The following NLGN3 variants were observed in gnomAD, a reference collection of about 807,000 sequenced individuals.
NLGN3 encodes neuroligin-3.
NLGN3 carries 11 observed loss-of-function variants against 42.9 expected under a neutral mutation model. The observed-to-expected ratio is 0.26, with a 90% confidence interval of 0.16 to 0.42. The LOEUF is 0.42. Ranked by LOEUF, NLGN3 falls within the 10% of genes least tolerant of loss-of-function variation. NLGN3 has a pLI of 1.00. For synonymous variants in NLGN3, 279 were observed against 312.7 expected (o/e 0.89, Z 1.14); for missense variants, 374 against 733.8 (o/e 0.51, Z 5.67).
chrX:71,162,672 A>C (rs1439356203), intron 5 of NLGN3, among the ~76,000 whole-genome samples: 1 of 112,155 alleles, frequency 8.9e-6, no homozygotes, highest in African/African-American at 3.2e-5. Context: ...ACACACTTGA[A>C]GAGGATGAGA....
chrX:71,169,405 A>G lies in NLGN3; in HGVS notation c.1855A>G (p.Thr619Ala), dbSNP rs1182038418. The stretch of plus-strand genomic sequence containing the variant: ...AAGGGTCCGAGATCATTACCGGGCC[A>G]CTAAGGTGGCCTTTTGGAAACATCT... ...KPRVRDHYRA[T>A]KVAFWKHLVP... Residue 619 changes from threonine (T) to alanine (A), a missense_variant, in exon 8 of 8, where the codon ACT becomes GCT. Around this residue, in one of 6 missense-constraint regions of NLGN3, gnomAD observed 142 missense variants for 359.1 expected, o/e 0.40. Coordinates refer to ENST00000358741, the MANE Select transcript of NLGN3 (RefSeq NM_181303.2). 1 of 1,205,569 alleles carries G rather than the reference A, an allele frequency of 8.3e-7. No homozygotes were observed. The highest frequency in any genetic ancestry group is 1.1e-6 in the Non-Finnish European group (1 of 893,005).
rs151276700 is a variant in NLGN3, at chrX:71,164,222, C to T, written c.807C>T (p.Ser269=). The change falls in exon 6 of 8, where the codon AGC becomes AGT. Residue 269 remains serine (S), a synonymous_variant. Transcript: ENST00000358741. Reference sequence around the variant, plus strand: ...AGATCCAGGCCCTCCGCTGGGTGAGCGAGAATATTGCCTTCTTCGGGGGAG... The same window carrying T: ...AGATCCAGGCCCTCCGCTGGGTGAGTGAGAATATTGCCTTCTTCGGGGGAG... ...LDQIQALRWV[S]ENIAFFGGDP... is the part of the protein sequence containing the mutation. 7.8e-4 allele frequency: 948 copies of T among 1,211,598 alleles called. 1 individual carries two copies. Among genetic ancestry groups the T allele is most frequent in the Non-Finnish European group, 1.0e-3 (911 of 895,386 alleles).
chrX:71,164,267 C>T lies in NLGN3; in HGVS notation c.852C>T (p.Val284=). Residue 284 remains valine (V), a synonymous_variant, in exon 6 of 8, where the codon GTC becomes GTT. Coordinates refer to ENST00000358741, the MANE Select transcript of NLGN3 (RefSeq NM_181303.2). The part of the protein sequence containing the change: ...FFGGDPRRIT[V]FGSGIGASCV... ...GGGGAGACCCCCGCCGGATCACTGTCTTTGGCTCGGGCATTGGTGCATCCT... is the reference window on the plus strand; with the variant it reads ...GGGGAGACCCCCGCCGGATCACTGTTTTTGGCTCGGGCATTGGTGCATCCT... The T allele has an allele frequency of 4.1e-6, 5 of 1,212,385 alleles. No individual in the cohort carries two copies. The highest frequency in any genetic ancestry group is 5.6e-6 in the Non-Finnish European group (5 of 895,514).
downstream of NLGN3, chrX:71,171,719 A>C: frequency 1.4e-6 from 1 of 721,507 alleles, no homozygotes; most frequent in Non-Finnish European, 1.6e-6. Context: ...CTCCTTCCCC[A>C]GGGATACTTG....
Position 71,170,213 on chromosome X carries a change from G to T in NLGN3, c.*116G>T. 1 of 1,162,394 alleles carries T rather than the reference G, an allele frequency of 8.6e-7. No individual in the cohort carries two copies. The highest frequency in any genetic ancestry group is 1.1e-6 in the Non-Finnish European group (1 of 877,087). On this transcript the variant is annotated 3_prime_UTR_variant, in exon 8 of 8. Transcript: ENST00000358741. ...CACACACACACACATATATGTATAC[G>T]CACGCACCCACACCCTACAGCAGAT...
At position 71,169,650 on chromosome X, in the gene NLGN3, C is replaced by T. The variant is rs2092463440; in HGVS notation, c.2100C>T (p.Asn700=). 2.5e-6 allele frequency: 3 copies of T among 1,211,979 alleles called. No homozygotes were observed. The highest frequency in any genetic ancestry group is 5.9e-5 in the East Asian group (2 of 33,839). The part of the protein sequence containing the change: ...DQDAGPLLVE[N]PRDYSTELSV... The stretch of plus-strand genomic sequence containing the variant: ...ATGCAGGGCCACTCCTGGTGGAGAA[C>T]CCTCGTGACTACTCCACTGAATTAA... Residue 700 remains asparagine, a synonymous_variant, in exon 8 of 8, where the codon AAC becomes AAT. Coordinates refer to ENST00000358741, the MANE Select transcript of NLGN3 (RefSeq NM_181303.2).
intron 3 of NLGN3, among the ~76,000 whole-genome samples, chrX:71,149,316 T>A (rs2092382685): frequency 9.1e-6 from 1 of 110,124 alleles, no homozygotes; most frequent in Non-Finnish European, 1.9e-5. Flanking sequence ...TAGACTCAAT[T>A]TTCCCACCCT....
intron 1 of NLGN3, among the ~76,000 whole-genome samples, chrX:71,146,701 C>T (rs758037223): frequency 2.8e-4 from 31 of 111,266 alleles, no homozygotes; most frequent in Non-Finnish European, 4.9e-4. Flanking sequence ...GAGTGAATAT[C>T]GCAGTGTCTG....
chrX:71,169,161 C>T lies in NLGN3; in HGVS notation c.1704-93C>T, dbSNP rs1053939447. On this transcript the variant is annotated intron_variant, in intron 7 of 7. Transcript: ENST00000358741. ...GATGGAAATGGTGGGAAGTTCTAAA[C>T]TGGGAAAGAGGTTTGGCTGTCAGAG... 16 of 1,037,292 alleles carry T rather than the reference C, an allele frequency of 1.5e-5. No homozygotes were observed. In the African/African-American group the frequency reaches 2.6e-4, roughly 17 times the overall value. The allele number at this position is 1,037,292 out of a possible 1,213,427, so 85.5% of individuals were successfully genotyped here.
At chrX:71,148,228 T>C in intron 2 of NLGN3, 22 bp downstream of exon 2, 1 of 1,157,317 alleles carries the variant, frequency 8.6e-7, no homozygotes, top group Non-Finnish European at 1.2e-6. Flanking sequence ...GGCCAGGCAC[T>C]GTGCCCTCCC....
At position 71,170,894 on chromosome X, in the gene NLGN3, A is replaced by G; in HGVS notation, c.*797A>G. 1.3e-6 allele frequency: 1 copy of G among 754,986 alleles called. No individual in the cohort carries two copies. Among genetic ancestry groups the G allele is most frequent in the Non-Finnish European group, 1.6e-6 (1 of 639,606 alleles). 62.2% of individuals were successfully genotyped at this position (754,986 alleles called of 1,213,427 possible). A position where few individuals can be genotyped will look rare whatever the true frequency, so the allele number is the denominator to read the frequency against. On this transcript the variant is annotated 3_prime_UTR_variant, in exon 8 of 8. Transcript: ENST00000358741. The stretch of plus-strand genomic sequence containing the variant: ...CCAACAGCATTGGCCTGGCCAGACC[A>G]GGTGACCTTAGATTTGGTGAACAAC...
At chrX:71,166,738 G>A (rs2092448586) in intron 6 of NLGN3, among the ~76,000 whole-genome samples, 2 of 111,930 alleles carry the variant, frequency 1.8e-5, no homozygotes, top group South Asian at 7.5e-4. Context: ...TAAGGGGGCT[G>A]ATGTCTGGGA....
intron 1 of NLGN3, among the ~76,000 whole-genome samples, chrX:71,146,312 C>G (rs1043261393): frequency 3.8e-5 from 4 of 105,998 alleles, no homozygotes; most frequent in African/African-American, 1.4e-4. Flanking sequence ...AGCAGGCCTG[C>G]AATCTGGGAA....
chrX:71,168,823 AAGAAAG>A (rs2092457580), intron 7 of NLGN3, among the ~76,000 whole-genome samples: 1 of 45,206 alleles, frequency 2.2e-5, no homozygotes, highest in Non-Finnish European at 4.0e-5. Context: ...AGAAAAAAAA[AAGAAAG>A]AAAGAAAGAA....
rs138181564 is a variant in NLGN3 at position 71,169,770 on chromosome X, C to T, written c.2220C>T (p.Pro740=). The T allele has an allele frequency of 1.0e-4, 121 of 1,209,674 alleles. 1 individual carries two copies. The South Asian group carries it at 1.4e-3, about 14-fold the overall frequency. The change falls in exon 8 of 8, where the codon CCC becomes CCT. Residue 740 remains proline (P), a synonymous_variant. Coordinates refer to ENST00000358741, the MANE Select transcript of NLGN3 (RefSeq NM_181303.2). ...YYRKDKRRQE[P]LRQPSPQRGA... ...GTAAGGACAAACGGCGCCAGGAGCC[C>T]CTGCGGCAGCCTAGCCCTCAGCGGG...
In NLGN3 at chrX:71,170,121, C is replaced by A. The variant is rs2092466164; in HGVS notation, c.*24C>A. 1.7e-6 allele frequency: 2 copies of A among 1,204,226 alleles called. No homozygotes were observed. The highest frequency in any genetic ancestry group is 3.6e-5 in the African/African-American group (2 of 56,011). On this transcript the variant is annotated 3_prime_UTR_variant, in exon 8 of 8. Coordinates refer to ENST00000358741, the MANE Select transcript of NLGN3 (RefSeq NM_181303.2). The stretch of plus-strand genomic sequence containing the variant: ...AGCTCCAACTCAGAGCACAGCCAAT[C>A]TCCAGGCTCCCTCCCTCCCAGATCC...
At chrX:71,164,892 G>A (rs376275172) in intron 6 of NLGN3, among the ~76,000 whole-genome samples, 39 of 110,805 alleles carry the variant, frequency 3.5e-4, no homozygotes, top group African/African-American at 1.2e-3. Flanking sequence ...CTGCCGGGGA[G>A]ATTCTCATTT....
chrX:71,172,341 G>A (rs147035334), downstream of NLGN3, among the ~76,000 whole-genome samples: 2,509 of 111,202 alleles, frequency 0.023, 26 homozygotes, highest in Non-Finnish European at 0.034. Context: ...GAAGTCACCC[G>A]AGAGTCATCT....
At position 71,168,879 on chromosome X, in the gene NLGN3, A is replaced by G. The variant is rs1379676116; in HGVS notation, c.1704-375A>G. Among the ~76,000 whole-genome samples the G allele has an allele frequency of 2.8e-3, 238 of 84,064 alleles. 2 individuals are homozygous for G. The highest frequency in any genetic ancestry group is 0.018 in the African/African-American group (224 of 12,571). The allele number at this position is 84,064 out of a possible 115,157, so 73.0% of individuals were successfully genotyped here. A position where few individuals can be genotyped will look rare whatever the true frequency, so the allele number is the denominator to read the frequency against. The stretch of plus-strand genomic sequence containing the variant: ...AAAGAAAGAAAGAAAGAGAAAGAAA[A>G]GAAAGAGAAAGAAAGAAAGAAAGAA... On this transcript the variant is annotated intron_variant, in intron 7 of 7. Coordinates refer to ENST00000358741, the MANE Select transcript of NLGN3 (RefSeq NM_181303.2).
Sources: gnomAD v4.1 joint callset for allele counts (sites outside exome capture counted in the v4.1 genomes callset) on GRCh38, gnomAD v4.1.1 for gene constraint, gnomAD v4.1.1 regional missense constraint, MANE v1.5 for transcripts, NCBI Gene and HGNC (gene_info 2026-07-23, HGNC 2026-07-21) for gene names.